Variants in GREB1 observed in about 807,000 individuals in gnomAD.
GREB1 encodes protein GREB1.
In GREB1, 106 loss-of-function variants were observed where a neutral mutation model predicts 200.7. The observed-to-expected ratio is 0.53, with a 90% CI of 0.45 to 0.62. The LOEUF is 0.62. GREB1 is among the 20% of genes least tolerant of loss of function. The pLI, the probability that GREB1 is intolerant of heterozygous loss-of-function variation, is 0.00. For synonymous variants in GREB1, 1,132 were observed against 1,092.4 expected, an observed-to-expected ratio of 1.04 and a Z score of -0.72; for missense variants, 2,243 against 2,556.8, an observed-to-expected ratio of 0.88 and a Z score of 2.65.
chr2:11,538,940 TCCC>T (rs1250679153), intron 1 of GREB1, among the ~76,000 whole-genome samples: 1 of 17,726 alleles, frequency 5.6e-5, no homozygotes, highest in African/African-American at 2.0e-4. Context: ...TCCCCTCCCC[TCCC>T]CTCGTGTCCC....
intron 26 of GREB1, among the ~76,000 whole-genome samples, chr2:11,630,916 T>G (rs941649322): frequency 1.3e-5 from 2 of 152,220 alleles, no homozygotes; most frequent in East Asian, 3.8e-4. Flanking sequence ...CTTTTCCTTC[T>G]CCAGAGTGCT....
chr2:11,560,782 G>A (rs1018724294), intron 2 of GREB1, among the ~76,000 whole-genome samples: 2 of 152,000 alleles, frequency 1.3e-5, no homozygotes, highest in East Asian at 3.8e-4. Flanking sequence ...CCTGTTCCCT[G>A]AAGAACTCTG....
rs200344250 is a variant in GREB1 at position 11,588,873 on chromosome 2, C to T, written c.1287C>T (p.Ile429=). 1 of 1,614,190 alleles carries T rather than the reference C, an allele frequency of 6.2e-7. No individual in the cohort carries two copies. Among genetic ancestry groups the T allele is most frequent in the Admixed American group, 1.7e-5 (1 of 60,032 alleles). ...ACGAGCAGTACGGCGCCTCTGCCAT[C>T]CAGCCCATCTCCGAGGAGATGCAGC... ...RAYEQYGASA[I]QPISEEMQLL... is the part of the protein sequence containing the mutation. The change falls in exon 10 of 33, where the codon ATC becomes ATT. Residue 429 remains isoleucine (I), a synonymous_variant. Transcript: ENST00000381486.
chr2:11,545,105 G>A (rs927537862), intron 1 of GREB1, among the ~76,000 whole-genome samples: 2 of 151,760 alleles, frequency 1.3e-5, no homozygotes, highest in Non-Finnish European at 2.9e-5. Context: ...GTGAGCCACC[G>A]GCCCGGCCTG....
intron 24 of GREB1, among the ~76,000 whole-genome samples, chr2:11,626,446 G>A (rs1684459093): frequency 6.6e-6 from 1 of 152,248 alleles, no homozygotes; most frequent in Non-Finnish European, 1.5e-5. Flanking sequence ...AAATTAGCCA[G>A]GTTTGGTGGC....
intron 1 of GREB1, among the ~76,000 whole-genome samples, chr2:11,516,980 A>C (rs1157297180): frequency 6.6e-6 from 1 of 152,232 alleles, no homozygotes; most frequent in Non-Finnish European, 1.5e-5. Flanking sequence ...GCAGGGGATT[A>C]GGATCCAGTC....
At chr2:11,498,660 T>G (rs114116878) in intron 1 of GREB1, among the ~76,000 whole-genome samples, 1 of 152,196 alleles carries the variant, frequency 6.6e-6, no homozygotes, top group Non-Finnish European at 1.5e-5. Context: ...GCAGTTTTGC[T>G]GCTGGGCAGC....
chr2:11,632,335 C>CTTTTTTTTTT (rs567209224), intron 27 of GREB1, among the ~76,000 whole-genome samples: 3 of 112,184 alleles, frequency 2.7e-5, no homozygotes, highest in Admixed American at 1.9e-4. Context: ...TTCTTTCTCT[C>CTTTTTTTTTT]TTTTTTTTTT....
intron 17 of GREB1, among the ~76,000 whole-genome samples, chr2:11,606,882 A>G (rs1682351975): frequency 6.6e-6 from 1 of 151,788 alleles, no homozygotes; most frequent in Non-Finnish European, 1.5e-5. Flanking sequence ...TCCCGGGTTC[A>G]AGTGATTCTC....
intron 30 of GREB1, among the ~76,000 whole-genome samples, chr2:11,636,797 G>GGGGCAA (rs1685367890): frequency 5.9e-5 from 5 of 84,864 alleles, no homozygotes; most frequent in Admixed American, 1.3e-4. Flanking sequence ...GGCATGGGCA[G>GGGGCAA]GGGCAGAGGC....
intron 1 of GREB1, among the ~76,000 whole-genome samples, chr2:11,512,180 A>G (rs992939803): frequency 4.6e-5 from 7 of 152,370 alleles, no homozygotes; most frequent in East Asian, 1.9e-4. Flanking sequence ...TACATTGACA[A>G]TGTTGTGCCA....
rs373765070 is a variant in GREB1, at chr2:11,634,277, C to T, written c.5138C>T (p.Ser1713Phe). 484 of 1,614,084 alleles carry T rather than the reference C, an allele frequency of 3.0e-4. No individual in the cohort carries two copies. Among genetic ancestry groups the T allele is most frequent in the Non-Finnish European group, 4.0e-4 (472 of 1,180,044 alleles). ...TRASEVQEPF[S>F]RCHVHNFIIL... ...GCCAGCGAGGTGCAAGAGCCCTTCT[C>T]CCGCTGCCACGTGCACAACTTCATC... Residue 1713 changes from serine to phenylalanine, a missense_variant, in exon 29 of 33, where the codon TCC becomes TTC. Physicochemically the swap from Ser to Phe is radical, Grantham distance 155 (BLOSUM62 -2). Around this residue, in one of 3 missense-constraint regions of GREB1, gnomAD observed 478 missense variants for 616.3 expected, o/e 0.78. Transcript: ENST00000381486.
At chr2:11,551,671 C>T (rs1358250034) in intron 1 of GREB1, among the ~76,000 whole-genome samples, 1 of 152,210 alleles carries the variant, frequency 6.6e-6, no homozygotes, top group African/African-American at 2.4e-5. Flanking sequence ...TCCTCAAATG[C>T]TGTTCTTAGT....
chr2:11,570,159 A>T (rs1458315800), intron 4 of GREB1, among the ~76,000 whole-genome samples: 1 of 152,152 alleles, frequency 6.6e-6, no homozygotes, highest in Non-Finnish European at 1.5e-5. Context: ...CTGTAATCCC[A>T]GTACTTTGGG....
rs751506280 is a variant in GREB1, at chr2:11,592,852, G to C, written c.1422G>C (p.Glu474Asp). Reference protein sequence around the residue: ...LRSWRESHLTEIRQYQQAPPQ... With the variant: ...LRSWRESHLTDIRQYQQAPPQ... Reference sequence around the variant, plus strand: ...CTTGGCGCGAGTCGCACCTGACCGAGATCCGGCAGTACCAGCAGGCGCCGC... The same window carrying C: ...CTTGGCGCGAGTCGCACCTGACCGACATCCGGCAGTACCAGCAGGCGCCGC... The change falls in exon 11 of 33, where the codon GAG becomes GAC. Residue 474 changes from glutamate to aspartate, a missense_variant. Transcript: ENST00000381486. The C allele has an allele frequency of 5.0e-6, 8 of 1,599,544 alleles. No homozygotes were observed. The highest frequency in any genetic ancestry group is 1.7e-4 in the Middle Eastern group (1 of 5,902).
At chr2:11,523,165 G>T (rs1466396127) in intron 1 of GREB1, among the ~76,000 whole-genome samples, 1 of 152,082 alleles carries the variant, frequency 6.6e-6, no homozygotes, top group Non-Finnish European at 1.5e-5. Context: ...ACTTATAAAT[G>T]GGAGCTAAAT....
chr2:11,633,931 A>G lies in GREB1; in HGVS notation c.4992-200A>G, dbSNP rs556959940. Among the ~76,000 whole-genome samples the G allele has an allele frequency of 3.0e-4, 46 of 152,364 alleles. 1 individual carries two copies. The South Asian group carries it at 8.3e-3, about 27-fold the overall frequency. On this transcript the variant is annotated intron_variant, in intron 28 of 32. Coordinates refer to ENST00000381486, the MANE Select transcript of GREB1 (RefSeq NM_014668.4). The surrounding 1 kb of genome is among the most constrained non-coding windows in gnomAD (Gnocchi z 4.1). ...GAGAATTGACTAAATTATGGTCTGCAAATGTGTTCAGCACATAGCAGAAAT... is the reference window on the plus strand; with the variant it reads ...GAGAATTGACTAAATTATGGTCTGCGAATGTGTTCAGCACATAGCAGAAAT...
chr2:11,489,925 TGTA>T (rs1382569397), intron 1 of GREB1, among the ~76,000 whole-genome samples: 2 of 148,896 alleles, frequency 1.3e-5, no homozygotes, highest in South Asian at 4.2e-4. Flanking sequence ...ATATTATAAT[TGTA>T]GTACAATAAC....
chr2:11,509,324 T>C (rs1673285154), intron 1 of GREB1, among the ~76,000 whole-genome samples: 1 of 152,166 alleles, frequency 6.6e-6, no homozygotes, highest in Admixed American at 6.5e-5. Flanking sequence ...ATATATATAT[T>C]TCCCAGATTT....
Sources: allele counts gnomAD v4.1 joint callset (sites outside exome capture counted in the v4.1 genomes callset), GRCh38; gene constraint gnomAD v4.1.1; regional missense constraint gnomAD v4.1.1; non-coding constraint Gnocchi (gnomAD v3.1); transcripts MANE v1.5; gene names NCBI Gene and HGNC (gene_info 2026-07-23, HGNC 2026-07-21).